The following HIPK3 variants were observed in gnomAD, a reference collection of about 807,000 sequenced individuals.
The protein encoded by HIPK3 is homeodomain-interacting protein kinase 3.
HIPK3 carries 47 observed loss-of-function variants against 124.2 expected under a neutral mutation model. The observed-to-expected ratio is 0.38, with a 90% CI of 0.30 to 0.48. The LOEUF (loss-of-function observed/expected upper bound fraction) is 0.48. HIPK3 is among the 20% of genes least tolerant of loss of function. The pLI, the probability that HIPK3 is intolerant of heterozygous loss-of-function variation, is 0.98. For missense variants in HIPK3, 1,286 were observed against 1,454.3 expected (o/e 0.88, Z 1.88); for synonymous variants, 482 against 515.2 (o/e 0.94, Z 0.87).
At chr11:33,289,128 C>G (rs1851631382) in intron 2 of HIPK3, among the ~76,000 whole-genome samples, 1 of 152,074 alleles carries the variant, frequency 6.6e-6, no homozygotes, top group Admixed American at 6.6e-5. Flanking sequence ...ATTTATGTCA[C>G]TTAGTGTTAG....
At chr11:33,271,038 C>G (rs943777822) in intron 1 of HIPK3, among the ~76,000 whole-genome samples, 2 of 152,014 alleles carry the variant, frequency 1.3e-5, no homozygotes, top group African/African-American at 2.4e-5. Flanking sequence ...TGGCAAAATA[C>G]TTTAAGTTTT....
At chr11:33,311,872 C>CACACACACACACT (rs1852352772) in intron 2 of HIPK3, among the ~76,000 whole-genome samples, 1 of 126,838 alleles carries the variant, frequency 7.9e-6, no homozygotes, top group South Asian at 2.6e-4. Flanking sequence ...ACACACACTA[C>CACACACACACACT]ACACACACAC....
intron 1 of HIPK3, among the ~76,000 whole-genome samples, chr11:33,260,132 C>T (rs540797064): frequency 2.0e-4 from 30 of 152,094 alleles, no homozygotes; most frequent in Non-Finnish European, 4.0e-4. Context: ...TGAGATACTT[C>T]TTCTTGTAAA....
intron 2 of HIPK3, among the ~76,000 whole-genome samples, chr11:33,321,115 A>G (rs1179462567): frequency 2.6e-5 from 4 of 152,174 alleles, no homozygotes; most frequent in South Asian, 2.1e-4. Flanking sequence ...CTAGTGAGAT[A>G]AGGAGGAGAA....
chr11:33,282,080 G>T (rs1049467564), intron 1 of HIPK3, among the ~76,000 whole-genome samples: 2 of 152,178 alleles, frequency 1.3e-5, no homozygotes, highest in East Asian at 3.9e-4. Context: ...GTGTATAATA[G>T]CTGTTTTAAA....
intron 3 of HIPK3, among the ~76,000 whole-genome samples, chr11:33,330,786 T>C (rs1852955709): frequency 7.0e-6 from 1 of 142,866 alleles, no homozygotes; most frequent in South Asian, 2.1e-4. Context: ...TTTTGATAAT[T>C]TTTTTTTTTT....
At chr11:33,274,716 A>AT (rs565183352) in intron 1 of HIPK3, among the ~76,000 whole-genome samples, 1 of 152,076 alleles carries the variant, frequency 6.6e-6, no homozygotes, top group African/African-American at 2.4e-5. Context: ...TCCTTGTGTA[A>AT]TTTTTTTGAA....
chr11:33,334,815 A>G (rs1440229104), intron 3 of HIPK3, among the ~76,000 whole-genome samples: 5 of 152,200 alleles, frequency 3.3e-5, no homozygotes, highest in Non-Finnish European at 5.9e-5. Context: ...ACAGATGCAC[A>G]TTTTGCCAGA....
chr11:33,336,007 A>G (rs1853135505), intron 3 of HIPK3, among the ~76,000 whole-genome samples: 1 of 152,212 alleles, frequency 6.6e-6, no homozygotes. Flanking sequence ...TCTTCCGTTC[A>G]TGGAACTTAG....
chr11:33,277,764 C>A (rs942964727), intron 1 of HIPK3, among the ~76,000 whole-genome samples: 7 of 152,136 alleles, frequency 4.6e-5, no homozygotes, highest in African/African-American at 1.7e-4. Context: ...AGTGATTGTA[C>A]TTCTTACCCT....
At chr11:33,291,805 G>A (rs1851706086) in intron 2 of HIPK3, among the ~76,000 whole-genome samples, 1 of 152,128 alleles carries the variant, frequency 6.6e-6, no homozygotes, top group Non-Finnish European at 1.5e-5. Context: ...AGACAGGAAA[G>A]TGGGCTGTAA....
chr11:33,286,784 C>T lies in HIPK3; in HGVS notation c.370C>T (p.Arg124Ter). The T allele has an allele frequency of 3.1e-6, 5 of 1,614,076 alleles. No homozygotes were observed. Among genetic ancestry groups the T allele is most frequent in the Non-Finnish European group, 4.2e-6 (5 of 1,180,028 alleles). Residue 124 changes from arginine to a stop codon, truncating the protein, a stop_gained, in exon 2 of 17, where the codon CGA becomes TGA. Coordinates refer to ENST00000303296, the MANE Select transcript of HIPK3 (RefSeq NM_005734.5). LOFTEE classifies it high-confidence loss of function. ...ATTGCATTTCCTAGAAGGCCCCCAG[C>T]GATGTGGATTGAAGCGCAAGAGTGA... ...NRLHFLEGPQRCGLKRKSEEL... is the reference protein window; with the variant it reads ...NRLHFLEGPQ
rs375435479 is a variant in HIPK3, at chr11:33,351,717, A to T, written c.2917A>T (p.Thr973Ser). The T allele has an allele frequency of 1.2e-6, 2 of 1,614,032 alleles. No individual in the cohort carries two copies. The highest frequency in any genetic ancestry group is 1.7e-6 in the Non-Finnish European group (2 of 1,180,000). The change falls in exon 15 of 17, where the codon ACT (threonine) becomes TCT (serine). Residue 973 changes from threonine (T) to serine (S), a missense_variant. By Grantham distance (58) the Thr-to-Ser change is moderately conservative (BLOSUM62 1). This residue lies in a region of HIPK3 where 810 missense variants were observed against 864.9 expected (regional missense o/e 0.94). Coordinates refer to ENST00000303296, the MANE Select transcript of HIPK3 (RefSeq NM_005734.5). ...TGCAGAGAGCACTTTTGTGGAGGAC[A>T]CTCATGAAAACACAGAATTGGTATC... Reference protein sequence around the residue: ...PFAESTFVEDTHENTELVSSA... With the variant: ...PFAESTFVEDSHENTELVSSA...
In HIPK3 at chr11:33,290,882, C is replaced by T. The variant is rs549843242; in HGVS notation, c.1097+3371C>T. ...ATAAATTTCAGGTAAATAATTTACC[C>T]GACGTTCAGAAGCTATACAATTGCT... On this transcript the variant is annotated intron_variant, in intron 2 of 16. Transcript: ENST00000303296. Among the ~76,000 whole-genome samples, 14 of 152,088 alleles carry T rather than the reference C, an allele frequency of 9.2e-5. No individual in the cohort carries two copies. In the South Asian group the frequency reaches 2.1e-3, roughly 23 times the overall value.
At chr11:33,308,613 G>GGTGTGTGTGTGTGT (rs10628141) in intron 2 of HIPK3, among the ~76,000 whole-genome samples, 3 of 147,476 alleles carry the variant, frequency 2.0e-5, no homozygotes, top group South Asian at 2.2e-4. Context: ...TGTGCCTAGG[G>GGTGTGTGTGTGTGT]GTGTGTGTGT....
chr11:33,336,070 A>T (rs1374209723), intron 3 of HIPK3, among the ~76,000 whole-genome samples: 1 of 152,144 alleles, frequency 6.6e-6, no homozygotes, highest in African/African-American at 2.4e-5. Context: ...ATATTAGATA[A>T]TGAAAAGCGC....
chr11:33,289,513 A>T (rs1048398116), intron 2 of HIPK3, among the ~76,000 whole-genome samples: 3 of 152,122 alleles, frequency 2.0e-5, no homozygotes, highest in African/African-American at 7.2e-5. Context: ...TTCTTTTTTT[A>T]AAAACATTTT....
intron 2 of HIPK3, among the ~76,000 whole-genome samples, chr11:33,305,853 A>ATT (rs34234908): frequency 9.4e-5 from 14 of 149,334 alleles, no homozygotes; most frequent in South Asian, 6.4e-4. Context: ...CAATTTTTTT[A>ATT]TTTTTTTTTT....
At chr11:33,336,828 C>T (rs1565092346) in intron 3 of HIPK3, among the ~76,000 whole-genome samples, 1 of 152,204 alleles carries the variant, frequency 6.6e-6, no homozygotes, top group Admixed American at 6.5e-5. Flanking sequence ...TTGAGGACCA[C>T]CTCTTCTAGA....
Sources: gnomAD v4.1 joint callset for allele counts (sites outside exome capture counted in the v4.1 genomes callset) on GRCh38, gnomAD v4.1.1 for gene constraint, gnomAD v4.1.1 regional missense constraint, MANE v1.5 for transcripts, NCBI Gene and HGNC (gene_info 2026-07-23, HGNC 2026-07-21) for gene names.